Variants in JAZF1 observed in about 807,000 individuals in gnomAD.
JAZF1 encodes juxtaposed with another zinc finger protein 1.
Under a neutral mutation model 26.4 loss-of-function variants are expected in JAZF1, and 8 were observed. The observed-to-expected ratio is 0.30, with a 90% CI of 0.18 to 0.55. JAZF1 has a LOEUF of 0.55. Among genes scored for constraint, JAZF1 ranks in the 20% least tolerant of loss-of-function variants. The probability of loss-of-function intolerance (pLI) is 0.94; values close to 1 mark genes in which losing one functional copy is unlikely to be tolerated. For missense variants in JAZF1, 199 were observed against 322.0 expected, an observed-to-expected ratio of 0.62 and a Z score of 2.92; for synonymous variants, 126 against 122.3, an observed-to-expected ratio of 1.03 and a Z score of -0.20.
rs141157168 is a variant in JAZF1, at chr7:28,079,431, TTC to T, written c.116-87452_116-87451del. Among the ~76,000 whole-genome samples, 469 of 152,300 alleles carry T rather than the reference TTC, an allele frequency of 3.1e-3. 1 individual carries two copies. Among genetic ancestry groups the T allele is most frequent in the African/African-American group, 0.011 (441 of 41,558 alleles). On this transcript the variant is annotated intron_variant, in intron 1 of 4. Transcript: ENST00000283928. ...TCAAAATACATCTTCAATCCCATTT[TTC>T]TCTGACAGACACTGATATAGAATAA...
intron 1 of JAZF1, among the ~76,000 whole-genome samples, chr7:28,038,859 AT>A (rs1472061792): frequency 6.6e-6 from 1 of 152,188 alleles, no homozygotes; most frequent in Non-Finnish European, 1.5e-5. Flanking sequence ...TTCACTGTCC[AT>A]GCTTGGTATA....
intron 3 of JAZF1, chr7:27,843,425 C>T (rs376959995): frequency 6.6e-6 from 1 of 152,308 alleles, no homozygotes; most frequent in South Asian, 2.1e-4. Context: ...GTATAGAATA[C>T]CTGGGATAGG....
intron 1 of JAZF1, among the ~76,000 whole-genome samples, chr7:28,123,167 T>C (rs990567851): frequency 6.6e-6 from 1 of 152,118 alleles, no homozygotes; most frequent in African/African-American, 2.4e-5. Context: ...TTGCTTTCTG[T>C]CTCAGGGCCT....
At chr7:28,140,358 C>T (rs1350240991) in intron 1 of JAZF1, among the ~76,000 whole-genome samples, 3 of 152,178 alleles carry the variant, frequency 2.0e-5, no homozygotes, top group Admixed American at 6.5e-5. Flanking sequence ...GCTGGGATTA[C>T]AGGCATGAGC....
chr7:27,834,968 G>A (rs972966696), intron 4 of JAZF1, among the ~76,000 whole-genome samples: 1 of 152,184 alleles, frequency 6.6e-6, no homozygotes, highest in African/African-American at 2.4e-5. Context: ...AGTATCCTGG[G>A]TTACAAATGC....
intron 2 of JAZF1, among the ~76,000 whole-genome samples, chr7:27,979,366 ATT>A (rs55737757): frequency 6.7e-3 from 390 of 58,162 alleles, no homozygotes; most frequent in Non-Finnish European, 9.0e-3. Flanking sequence ...GGTACACTAC[ATT>A]TTTTTTTTTT....
chr7:28,072,414 TC>T lies in JAZF1; in HGVS notation c.116-80434del, dbSNP rs554114264. 2.1e-3 allele frequency among the ~76,000 whole-genome samples: 316 copies of T among 152,366 alleles called. 1 individual carries two copies. Among genetic ancestry groups the T allele is most frequent in the African/African-American group, 7.2e-3 (301 of 41,586 alleles). ...TTCAGGCTGAAGAATAAAGTTCACT[TC>T]AAATAATTGTTACCATATTTACTTA... is the stretch of plus-strand genomic sequence containing the variant. On this transcript the variant is annotated intron_variant, in intron 1 of 4. Coordinates refer to ENST00000283928, the MANE Select transcript of JAZF1 (RefSeq NM_175061.4).
At chr7:28,021,504 C>T (rs1389121642) in intron 1 of JAZF1, among the ~76,000 whole-genome samples, 2 of 152,192 alleles carry the variant, frequency 1.3e-5, no homozygotes, top group Non-Finnish European at 2.9e-5. Flanking sequence ...TAAGGACACA[C>T]ACCAGTTGCT....
chr7:27,977,448 G>A (rs1785497845), intron 2 of JAZF1, among the ~76,000 whole-genome samples: 1 of 152,172 alleles, frequency 6.6e-6, no homozygotes, highest in Admixed American at 6.5e-5. Context: ...ATACCCTAGA[G>A]CAAAGTCCTT....
intron 1 of JAZF1, among the ~76,000 whole-genome samples, chr7:28,168,305 C>A (rs1446648636): frequency 1.3e-5 from 2 of 150,962 alleles, no homozygotes; most frequent in African/African-American, 4.9e-5. Flanking sequence ...TGGTGTGAAC[C>A]CAGGAGGTGG....
intron 1 of JAZF1, chr7:28,020,448 C>A (rs73302906): frequency 0.02 from 7,830 of 382,100 alleles, 585 homozygotes; most frequent in African/African-American, 0.15. Context: ...GGAGAGCCAG[C>A]GCCTCCACGG....
chr7:27,885,758 C>A (rs1388081321), intron 3 of JAZF1, among the ~76,000 whole-genome samples: 4 of 152,104 alleles, frequency 2.6e-5, no homozygotes, highest in Non-Finnish European at 5.9e-5. Flanking sequence ...CCATCTCCTT[C>A]CTGAAAATTT....
intron 1 of JAZF1, among the ~76,000 whole-genome samples, chr7:28,117,799 T>A (rs1784770120): frequency 6.6e-6 from 1 of 152,222 alleles, no homozygotes; most frequent in African/African-American, 2.4e-5. Flanking sequence ...CAACAATATC[T>A]TTTGAGCAGA....
intron 3 of JAZF1, among the ~76,000 whole-genome samples, chr7:27,870,075 A>ATTTTTTTTTTTTTTT (rs371770357): frequency 8.3e-5 from 10 of 120,666 alleles, no homozygotes; most frequent in Non-Finnish European, 1.3e-4. Flanking sequence ...CACCCGGTTA[A>ATTTTTTTTTTTTTTT]TTTTTTTTTT....
intron 2 of JAZF1, among the ~76,000 whole-genome samples, chr7:27,990,567 T>C (rs1202450362): frequency 6.6e-6 from 1 of 152,200 alleles, no homozygotes; most frequent in Non-Finnish European, 1.5e-5. Context: ...CAGATTTGTA[T>C]ATACATAGGT....
chr7:27,965,204 T>C (rs1785253409), intron 2 of JAZF1, among the ~76,000 whole-genome samples: 1 of 152,178 alleles, frequency 6.6e-6, no homozygotes, highest in Admixed American at 6.5e-5. Context: ...TTTCCAGTCA[T>C]TGTACACCCA....
chr7:28,083,129 G>A lies in JAZF1; in HGVS notation c.116-91148C>T, dbSNP rs116684974. Among the ~76,000 whole-genome samples the A allele has an allele frequency of 9.1e-3, 1,385 of 152,246 alleles. 23 individuals are homozygous for A. The highest frequency in any genetic ancestry group is 0.032 in the African/African-American group (1,333 of 41,544). The stretch of plus-strand genomic sequence containing the variant: ...ATTGCCTTCCAGCTTTTTGGCTTCT[G>A]GTAAGTTTTGCCTGAACCCCCTCAA... On this transcript the variant is annotated intron_variant, in intron 1 of 4. Transcript: ENST00000283928.
intron 2 of JAZF1, among the ~76,000 whole-genome samples, chr7:27,921,803 G>T (rs1784533847): frequency 6.6e-6 from 1 of 152,140 alleles, no homozygotes; most frequent in Non-Finnish European, 1.5e-5. Context: ...AGTCCGAGGT[G>T]GTAGGACTGC....
intron 2 of JAZF1, among the ~76,000 whole-genome samples, chr7:27,967,509 T>G (rs1785298296): frequency 6.6e-6 from 1 of 152,158 alleles, no homozygotes. Flanking sequence ...ATTTGTGTAC[T>G]CAGATCAATC....
Sources: allele counts gnomAD v4.1 joint callset (sites outside exome capture counted in the v4.1 genomes callset), GRCh38; gene constraint gnomAD v4.1.1; transcripts MANE v1.5; gene names NCBI Gene and HGNC (gene_info 2026-07-23, HGNC 2026-07-21).